The following ERG variants were observed in gnomAD, a reference collection of about 807,000 sequenced individuals.
The protein encoded by ERG is ETS transcription factor ERG.
In ERG, 9 loss-of-function variants were observed where a neutral mutation model predicts 55.3. That is an observed-to-expected ratio of 0.16 (90% confidence interval 0.10 to 0.28). The LOEUF is 0.28. Ranked by LOEUF, ERG falls within the 10% of genes least tolerant of loss-of-function variation. The pLI is 1.00. For missense variants in ERG, 434 were observed against 631.6 expected (o/e 0.69, Z 3.35); for synonymous variants, 223 against 237.3 (o/e 0.94, Z 0.55).
At chr21:38,525,340 T>C (rs2836468) in intron 2 of ERG, among the ~76,000 whole-genome samples, 26,713 of 152,046 alleles carry the variant, frequency 0.18, 2,671 homozygotes, top group African/African-American at 0.28. Context: ...TGAAAGGCCA[T>C]GTTAATGCCC....
intron 1 of ERG, among the ~76,000 whole-genome samples, chr21:38,590,196 A>G (rs1285071949): frequency 1.3e-5 from 2 of 152,304 alleles, no homozygotes; most frequent in East Asian, 3.9e-4. Context: ...AACAAAGGCT[A>G]TGATGAGAGG....
chr21:38,408,646 C>A (rs929957549), intron 3 of ERG, among the ~76,000 whole-genome samples: 1 of 152,184 alleles, frequency 6.6e-6, no homozygotes, highest in Non-Finnish European at 1.5e-5. Flanking sequence ...CCTTTTAACT[C>A]CATGAAGAGC....
At chr21:38,529,099 T>C (rs1316867422) in intron 2 of ERG, among the ~76,000 whole-genome samples, 8 of 151,900 alleles carry the variant, frequency 5.3e-5, no homozygotes, top group Admixed American at 5.2e-4. Context: ...CCAGTGGTGC[T>C]GGAGGCAGGT....
intron 1 of ERG, among the ~76,000 whole-genome samples, chr21:38,456,665 G>A (rs949536026): frequency 2.0e-5 from 3 of 152,254 alleles, no homozygotes; most frequent in African/African-American, 7.2e-5. Context: ...CTTTTTCTTA[G>A]ACGCTGACTT....
chr21:38,569,280 G>A (rs758137384), intron 2 of ERG, among the ~76,000 whole-genome samples: 5 of 152,208 alleles, frequency 3.3e-5, no homozygotes, highest in Admixed American at 1.3e-4. Context: ...GCAAAAGGGT[G>A]CGGTGGAAAA....
chr21:38,391,602 T>A (rs957708817), intron 8 of ERG, 57 bp downstream of exon 8: 2 of 1,354,436 alleles, frequency 1.5e-6, no homozygotes, highest in Non-Finnish European at 2.1e-6. Context: ...ATTTTAGAAA[T>A]GTGCTGCTGA....
intron 1 of ERG, among the ~76,000 whole-genome samples, chr21:38,488,215 C>T (rs1341463959): frequency 6.6e-6 from 1 of 152,086 alleles, no homozygotes; most frequent in Non-Finnish European, 1.5e-5. Context: ...TTTCTGATCG[C>T]CAAAGGGGGT....
intron 3 of ERG, among the ~76,000 whole-genome samples, chr21:38,420,642 C>A (rs1206431333): frequency 1.3e-5 from 2 of 152,166 alleles, no homozygotes; most frequent in African/African-American, 2.4e-5. Context: ...ATTCTCTGTT[C>A]TCTTCCCCAC....
Position 38,439,416 on chromosome 21 carries a change from T to C in ERG, c.236+5988A>G, listed in dbSNP as rs191458593. On this transcript the variant is annotated intron_variant, in intron 2 of 9. Transcript: ENST00000288319. ...CATTGGTAGGGAGCTCACGAGAGGC[T>C]GAGCAGGCGCTGAAACTCCCAGCCA... 1.1e-3 allele frequency among the ~76,000 whole-genome samples: 165 copies of C among 152,322 alleles called. 1 individual carries two copies. Among genetic ancestry groups the C allele is most frequent in the African/African-American group, 3.8e-3 (156 of 41,568 alleles).
At chr21:38,538,048 G>T (rs564990154) in intron 2 of ERG, among the ~76,000 whole-genome samples, 1 of 152,096 alleles carries the variant, frequency 6.6e-6, no homozygotes, top group Admixed American at 6.6e-5. Context: ...TTTATCTTAC[G>T]CTAAGAGAAA....
chr21:38,508,293 G>A (rs1416419859), intron 2 of ERG, among the ~76,000 whole-genome samples: 2 of 151,986 alleles, frequency 1.3e-5, no homozygotes, highest in Non-Finnish European at 2.9e-5. Context: ...TCATTGGGCA[G>A]TGAGGAAGGT....
rs551111652 is a variant in ERG at position 38,532,538 on chromosome 21, C to T, written c.-41+43124G>A. On this transcript the variant is annotated intron_variant, in intron 2 of 8. Coordinates refer to the ERG transcript ENST00000398897. ...TTGGCAGGGGATTCTAAAGAAGGTGCCGTATGTGAAAGGCTGGTGTGTCAG... is the reference window on the plus strand; with the variant it reads ...TTGGCAGGGGATTCTAAAGAAGGTGTCGTATGTGAAAGGCTGGTGTGTCAG... Among the ~76,000 whole-genome samples the T allele has an allele frequency of 1.2e-4, 18 of 152,224 alleles. 1 individual carries two copies. In the East Asian group the frequency reaches 3.5e-3, roughly 29 times the overall value.
intron 1 of ERG, among the ~76,000 whole-genome samples, chr21:38,646,925 C>T (rs900327425): frequency 1.3e-5 from 2 of 152,142 alleles, no homozygotes; most frequent in African/African-American, 2.4e-5. Context: ...GAAAAGGCTG[C>T]GTGCTCAGGT....
rs796984493 is a variant in ERG at position 38,637,472 on chromosome 21, T to C, written c.-150+24186A>G. On this transcript the variant is annotated intron_variant, in intron 1 of 10. Transcript: ENST00000398910. ...TTGGAATTAGACACTGTACTACTAA[T>C]TGTGTGTCCTTGGAAAGTTACCTAA... 9.2e-5 allele frequency among the ~76,000 whole-genome samples: 14 copies of C among 152,296 alleles called. 1 individual carries two copies. The South Asian group carries it at 1.9e-3, about 20-fold the overall frequency.
chr21:38,466,329 G>GTGTGTGTGTGTGTC, intron 1 of ERG, among the ~76,000 whole-genome samples: 1 of 151,414 alleles, frequency 6.6e-6, no homozygotes, highest in South Asian at 2.1e-4. Context: ...GTGTGTGTGT[G>GTGTGTGTGTGTGTC]TGTGATATAG....
intron 2 of ERG, among the ~76,000 whole-genome samples, chr21:38,434,988 G>T (rs1990384071): frequency 6.6e-6 from 1 of 152,184 alleles, no homozygotes; most frequent in Non-Finnish European, 1.5e-5. Flanking sequence ...CTGTCTTTCT[G>T]AATGTTCCTT....
the ERG span, chr21:38,367,591 T>A: frequency 1.9e-6 from 1 of 519,594 alleles, no homozygotes; most frequent in Non-Finnish European, 3.7e-6. Flanking sequence ...GTCCCAGAAG[T>A]CACACACTGT....
chr21:38,621,145 C>T (rs961653747), intron 1 of ERG, among the ~76,000 whole-genome samples: 1 of 152,156 alleles, frequency 6.6e-6, no homozygotes, highest in African/African-American at 2.4e-5. Context: ...GGATTGGAAG[C>T]CATGGGATGG....
intron 2 of ERG, among the ~76,000 whole-genome samples, chr21:38,554,930 A>G (rs8129400): frequency 0.48 from 73,567 of 151,870 alleles, 19,730 homozygotes; most frequent in Non-Finnish European, 0.62. Flanking sequence ...TAAAACACAG[A>G]AAGAAAATAC....
Sources: allele counts gnomAD v4.1 joint callset (sites outside exome capture counted in the v4.1 genomes callset), GRCh38; gene constraint gnomAD v4.1.1; transcripts MANE v1.5; gene names NCBI Gene and HGNC (gene_info 2026-07-23, HGNC 2026-07-21).